The following MRTFB variants were observed in gnomAD, a reference collection of about 807,000 sequenced individuals.
MRTFB encodes myocardin-related transcription factor B.
In MRTFB, 29 loss-of-function variants were observed where a neutral mutation model predicts 104.2. That is an observed-to-expected ratio of 0.28 (90% CI 0.21 to 0.38). The LOEUF is 0.38. MRTFB is among the 10% of genes least tolerant of loss of function. The probability of loss-of-function intolerance (pLI) is 1.00; values close to 1 mark genes in which losing one functional copy is unlikely to be tolerated. For synonymous variants in MRTFB, 535 were observed against 519.5 expected (o/e 1.03, Z -0.41); for missense variants, 1,270 against 1,341.6 (o/e 0.95, Z 0.83).
chr16:14,000,901 G>A, the MRTFB span, among the ~76,000 whole-genome samples: 3 of 152,368 alleles, frequency 2.0e-5, no homozygotes, highest in African/African-American at 7.2e-5. Flanking sequence ...CTGAGCCTCA[G>A]TTTTCTAATC....
Position 14,211,660 on chromosome 16 carries a change from T to C in MRTFB, c.221-694T>C, listed in dbSNP as rs777263902. Among the ~76,000 whole-genome samples, 8 of 152,310 alleles carry C rather than the reference T, an allele frequency of 5.3e-5. No individual in the cohort carries two copies. The East Asian group carries it at 1.3e-3, about 26-fold the overall frequency. On this transcript the variant is annotated intron_variant, in intron 4 of 16. Transcript: ENST00000571589. ...AGCACTGCTTACCCTCACACTAGGATTCCAGAATATTGGATTTACCAGCAG... is the reference window on the plus strand; with the variant it reads ...AGCACTGCTTACCCTCACACTAGGACTCCAGAATATTGGATTTACCAGCAG...
intron 3 of MRTFB, chr16:14,152,085 A>G (rs948973138): frequency 4.5e-4 from 68 of 152,198 alleles, no homozygotes; most frequent in Admixed American, 4.5e-3. Context: ...AGTACTATAC[A>G]GAAGATTTTT....
intron 2 of MRTFB, chr16:14,092,767 A>G (rs1204592643): frequency 6.6e-6 from 1 of 152,218 alleles, no homozygotes; most frequent in Non-Finnish European, 1.5e-5. Flanking sequence ...AACACTTGGA[A>G]CAATACAGAT....
At chr16:14,116,077 A>G (rs2036526752) in intron 2 of MRTFB, among the ~76,000 whole-genome samples, 1 of 152,072 alleles carries the variant, frequency 6.6e-6, no homozygotes, top group Non-Finnish European at 1.5e-5. Context: ...TGCTCTACAG[A>G]TGGGGCACGC....
chr16:14,209,894 C>T (rs2041118913), intron 3 of MRTFB, among the ~76,000 whole-genome samples: 1 of 152,084 alleles, frequency 6.6e-6, no homozygotes, highest in Non-Finnish European at 1.5e-5. Context: ...AAGAATTTCA[C>T]GTCTCTTATT....
At chr16:14,199,817 A>G (rs1204621992) in intron 3 of MRTFB, among the ~76,000 whole-genome samples, 1 of 152,364 alleles carries the variant, frequency 6.6e-6, no homozygotes, top group East Asian at 1.9e-4. Flanking sequence ...TTTGAAAACC[A>G]CGGTAAATAT....
chr16:14,104,659 C>T (rs1277699876), intron 2 of MRTFB, among the ~76,000 whole-genome samples: 4 of 152,142 alleles, frequency 2.6e-5, no homozygotes, highest in African/African-American at 9.7e-5. Flanking sequence ...CGTTTATATG[C>T]AGTTATTTCC....
chr16:14,260,047 T>C (rs1251132224), intron 16 of MRTFB, among the ~76,000 whole-genome samples: 3 of 152,232 alleles, frequency 2.0e-5, no homozygotes, highest in Non-Finnish European at 4.4e-5. Context: ...AGATACTTCA[T>C]TCATTTATGT....
intron 3 of MRTFB, among the ~76,000 whole-genome samples, chr16:14,169,923 G>T (rs958722873): frequency 1.3e-5 from 2 of 152,074 alleles, no homozygotes; most frequent in African/African-American, 4.8e-5. Flanking sequence ...TGTCATTTTA[G>T]GGGTTGGCCT....
chr16:14,107,906 G>A (rs547598420), intron 2 of MRTFB, among the ~76,000 whole-genome samples: 18 of 152,272 alleles, frequency 1.2e-4, no homozygotes, highest in Admixed American at 7.8e-4. Context: ...CCACTTTATC[G>A]TCTTCTCCAA....
At chr16:14,218,729 T>G in intron 7 of MRTFB, 91 bp from the exon 8 acceptor site, 2 of 1,332,614 alleles carry the variant, frequency 1.5e-6, no homozygotes, top group African/African-American at 1.5e-5. Flanking sequence ...GCTTCATAAA[T>G]TTTCATAGGA....
Position 14,097,036 on chromosome 16 carries a change from A to C in MRTFB, c.-64+17682A>C, listed in dbSNP as rs530151046. Among the ~76,000 whole-genome samples, 17 of 152,354 alleles carry C rather than the reference A, an allele frequency of 1.1e-4. No individual in the cohort carries two copies. The South Asian group carries it at 3.3e-3, about 30-fold the overall frequency. ...TATTATCTTAACTTTGTATTAGAAGAATCATTGTTTTAGTCTACCTGTAGC... is the reference window on the plus strand; with the variant it reads ...TATTATCTTAACTTTGTATTAGAAGCATCATTGTTTTAGTCTACCTGTAGC... On this transcript the variant is annotated intron_variant, in intron 2 of 16. Coordinates refer to ENST00000571589, the MANE Select transcript of MRTFB (RefSeq NM_001308142.2).
At chr16:14,041,372 G>A in the MRTFB span, among the ~76,000 whole-genome samples, 19 of 152,166 alleles carry the variant, frequency 1.2e-4, no homozygotes, top group South Asian at 2.9e-3. Context: ...CCCGGCAACC[G>A]CAATTATTTC....
At chr16:14,260,838 C>T (rs1440921516) in intron 16 of MRTFB, 71 bp from the exon 17 acceptor site, 1 of 1,286,080 alleles carries the variant, frequency 7.8e-7, no homozygotes, top group East Asian at 2.4e-5. Context: ...TGTAACTGTC[C>T]TAGTAATTAA....
At chr16:14,111,901 G>A (rs944991002) in intron 2 of MRTFB, among the ~76,000 whole-genome samples, 2 of 152,244 alleles carry the variant, frequency 1.3e-5, no homozygotes, top group African/African-American at 4.8e-5. Context: ...CCACCTGGGT[G>A]TGTGCTTGTG....
chr16:14,016,807 A>ACTTATTC, the MRTFB span, among the ~76,000 whole-genome samples: 1 of 141,624 alleles, frequency 7.1e-6, no homozygotes, highest in Admixed American at 7.5e-5. Context: ...AAAGACCCTG[A>ACTTATTC]CCTATTCCCA....
intron 3 of MRTFB, among the ~76,000 whole-genome samples, chr16:14,175,195 A>G (rs148747094): frequency 1.9e-3 from 296 of 152,330 alleles, no homozygotes; most frequent in African/African-American, 6.9e-3. Flanking sequence ...AACCACACAT[A>G]TTTAAAGGAT....
rs964106153 is a variant in MRTFB, at chr16:14,266,633, A to G, written c.*5189A>G. The G allele has an allele frequency of 2.0e-5, 3 of 152,244 alleles. No individual in the cohort carries two copies. The highest frequency in any genetic ancestry group is 4.4e-5 in the Non-Finnish European group (3 of 68,050). The allele number at this position is 152,244 out of a possible 1,614,324, so 9.4% of individuals were successfully genotyped here. On this transcript the variant is annotated 3_prime_UTR_variant, in exon 17 of 17. Coordinates refer to ENST00000571589, the MANE Select transcript of MRTFB (RefSeq NM_001308142.2). ...TTTGCACATGTACTGTACATAAGTA[A>G]TGCATACTGTATTTTTATATGTGTG...
the MRTFB span, among the ~76,000 whole-genome samples, chr16:14,034,775 CCT>C: frequency 1.3e-5 from 2 of 152,066 alleles, no homozygotes; most frequent in African/African-American, 4.8e-5. Flanking sequence ...CTGCAAAGAC[CCT>C]GTTTCCAAAT....
Sources: gnomAD v4.1 joint callset for allele counts (sites outside exome capture counted in the v4.1 genomes callset) on GRCh38, gnomAD v4.1.1 for gene constraint, MANE v1.5 for transcripts, NCBI Gene and HGNC (gene_info 2026-07-23, HGNC 2026-07-21) for gene names.